HMGCLL1: variants seen among roughly 807,000 people sequenced by gnomAD.
The protein encoded by HMGCLL1 is 3-hydroxy-3-methylglutaryl-CoA lyase like 1, also known as 3-hydroxymethyl-3-methylglutaryl-CoA lyase, cytoplasmic.
Under a neutral mutation model 39.1 loss-of-function variants are expected in HMGCLL1, and 36 were observed. That is an observed-to-expected ratio of 0.92 (90% CI 0.71 to 1.22). HMGCLL1 has a LOEUF of 1.22. Ranked by LOEUF, HMGCLL1 falls within the 50% of genes most tolerant of loss-of-function variation. HMGCLL1 has a pLI of 0.00. For synonymous variants in HMGCLL1, 149 were observed against 144.0 expected, an observed-to-expected ratio of 1.03 and a Z score of -0.25; for missense variants, 451 against 416.5, an observed-to-expected ratio of 1.08 and a Z score of -0.72.
the HMGCLL1 span, among the ~76,000 whole-genome samples, chr6:55,632,465 T>TAA: frequency 1.3e-5 from 2 of 151,072 alleles, no homozygotes; most frequent in African/African-American, 2.4e-5. Flanking sequence ...GTTATATATA[T>TAA]AATTCATGAT....
the HMGCLL1 span, among the ~76,000 whole-genome samples, chr6:55,609,038 T>C: frequency 7.2e-5 from 11 of 152,320 alleles, no homozygotes; most frequent in African/African-American, 2.6e-4. Flanking sequence ...CCATGCTTTT[T>C]CCTTAGAACT....
intron 8 of HMGCLL1, among the ~76,000 whole-genome samples, chr6:55,438,685 T>C (rs1561880757): frequency 6.6e-6 from 1 of 152,052 alleles, no homozygotes; most frequent in Non-Finnish European, 1.5e-5. Flanking sequence ...GGAGCATTAA[T>C]GTAAGTAGAA....
At chr6:55,653,711 C>T in the HMGCLL1 span, among the ~76,000 whole-genome samples, 1 of 151,958 alleles carries the variant, frequency 6.6e-6, no homozygotes, top group Admixed American at 6.6e-5. Flanking sequence ...GAACCCTGGA[C>T]CAGGTCAATG....
At chr6:55,573,401 T>C (rs952464981) in intron 1 of HMGCLL1, among the ~76,000 whole-genome samples, 8 of 152,200 alleles carry the variant, frequency 5.3e-5, no homozygotes, top group Admixed American at 3.9e-4. Flanking sequence ...GATCTGGATA[T>C]TGGAGTTGTC....
the HMGCLL1 span, among the ~76,000 whole-genome samples, chr6:55,625,093 C>T: frequency 2.0e-5 from 3 of 152,028 alleles, no homozygotes; most frequent in Middle Eastern, 3.2e-3. Context: ...GGTGAATCGC[C>T]GTGGAGGCCT....
intron 7 of HMGCLL1, among the ~76,000 whole-genome samples, chr6:55,459,358 A>G (rs953449513): frequency 6.6e-6 from 1 of 152,116 alleles, no homozygotes; most frequent in African/African-American, 2.4e-5. Flanking sequence ...GGGGGAAGAA[A>G]ATTATTTTAG....
the HMGCLL1 span, among the ~76,000 whole-genome samples, chr6:55,656,586 C>T: frequency 6.6e-6 from 1 of 151,842 alleles, no homozygotes; most frequent in Non-Finnish European, 1.5e-5. Flanking sequence ...GTGGAAGACT[C>T]GGAGTCTCTG....
At chr6:55,577,149 G>A (rs1475164096) in intron 1 of HMGCLL1, 6 of 1,599,082 alleles carry the variant, frequency 3.8e-6, no homozygotes, top group South Asian at 3.4e-5. Context: ...AAGCAGTGAA[G>A]GTTTGTTAGA....
At chr6:55,619,557 T>A in the HMGCLL1 span, among the ~76,000 whole-genome samples, 2 of 151,958 alleles carry the variant, frequency 1.3e-5, no homozygotes, top group Non-Finnish European at 2.9e-5. Flanking sequence ...CCAAAAAAAA[T>A]TAATTGTTAT....
chr6:55,647,858 C>T, the HMGCLL1 span, among the ~76,000 whole-genome samples: 11 of 116,974 alleles, frequency 9.4e-5, no homozygotes, highest in African/African-American at 1.7e-4. Context: ...CATGCTGGTG[C>T]GCTGCACCCA....
At chr6:55,540,546 G>C (rs1769367717) in intron 3 of HMGCLL1, among the ~76,000 whole-genome samples, 1 of 152,112 alleles carries the variant, frequency 6.6e-6, no homozygotes, top group East Asian at 1.9e-4. Context: ...CACTGGATCT[G>C]CCAGCACCTA....
At chr6:55,583,658 G>A (rs111690781), upstream of HMGCLL1, among the ~76,000 whole-genome samples, 1,269 of 152,126 alleles carry the variant, frequency 8.3e-3, 22 homozygotes, top group African/African-American at 0.029. Context: ...ATAAACATAC[G>A]TGTTCATGTG....
intron 7 of HMGCLL1, among the ~76,000 whole-genome samples, chr6:55,475,623 G>GT (rs1233000317): frequency 6.6e-6 from 1 of 151,630 alleles, no homozygotes; most frequent in Non-Finnish European, 1.5e-5. Flanking sequence ...GAAACTCAAT[G>GT]TATCTTTTTA....
intron 3 of HMGCLL1, among the ~76,000 whole-genome samples, chr6:55,533,066 G>GC (rs1052184613): frequency 7.3e-5 from 11 of 151,138 alleles, no homozygotes; most frequent in Non-Finnish European, 1.5e-4. Flanking sequence ...TTGATTAGTA[G>GC]CCCCCACTCT....
the HMGCLL1 span, among the ~76,000 whole-genome samples, chr6:55,603,050 G>A: frequency 6.6e-6 from 1 of 151,992 alleles, no homozygotes; most frequent in Non-Finnish European, 1.5e-5. Context: ...CCTGATTTAA[G>A]AGAGACTGGG....
intron 7 of HMGCLL1, among the ~76,000 whole-genome samples, chr6:55,442,769 T>C (rs1055227204): frequency 2.0e-5 from 3 of 152,158 alleles, no homozygotes; most frequent in South Asian, 2.1e-4. Flanking sequence ...TACTGGTACC[T>C]TTAGGACAAT....
the HMGCLL1 span, among the ~76,000 whole-genome samples, chr6:55,628,869 CT>C: frequency 6.6e-6 from 1 of 152,116 alleles, no homozygotes; most frequent in Non-Finnish European, 1.5e-5. Flanking sequence ...ACTTGTTCCT[CT>C]TTGTCTTTCA....
chr6:55,655,573 T>TAGATAGAC, the HMGCLL1 span, among the ~76,000 whole-genome samples: 2 of 151,790 alleles, frequency 1.3e-5, no homozygotes, highest in African/African-American at 4.8e-5. Flanking sequence ...GATAGATAGA[T>TAGATAGAC]AGATATCCTG....
At chr6:55,624,263 A>G in the HMGCLL1 span, among the ~76,000 whole-genome samples, 2 of 152,176 alleles carry the variant, frequency 1.3e-5, no homozygotes, top group African/African-American at 2.4e-5. Context: ...AGACAGATAG[A>G]TCTTGGAGAA....
Sources: allele counts gnomAD v4.1 joint callset (sites outside exome capture counted in the v4.1 genomes callset), GRCh38; gene constraint gnomAD v4.1.1; transcripts MANE v1.5; gene names NCBI Gene and HGNC (gene_info 2026-07-23, HGNC 2026-07-21).